Variants in PIP5K1B observed in about 807,000 individuals in gnomAD.
The protein encoded by PIP5K1B is phosphatidylinositol-4-phosphate 5-kinase type 1 beta, also known as phosphatidylinositol 4-phosphate 5-kinase type-1 beta.
Under a neutral mutation model 67.0 loss-of-function variants are expected in PIP5K1B, and 42 were observed. The ratio of observed to expected loss-of-function variants is 0.63; its 90% CI spans 0.49 to 0.81. The LOEUF (loss-of-function observed/expected upper bound fraction) is 0.81, where lower values mean the gene tolerates loss of function less well. Among genes scored for constraint, PIP5K1B ranks in the 30% least tolerant of loss-of-function variants. The probability of loss-of-function intolerance (pLI) is 0.00; values close to 1 mark genes in which losing one functional copy is unlikely to be tolerated. For synonymous variants in PIP5K1B, 214 were observed against 231.4 expected, an observed-to-expected ratio of 0.92 and a Z score of 0.68; for missense variants, 459 against 646.3, an observed-to-expected ratio of 0.71 and a Z score of 3.14.
In PIP5K1B at chr9:68,824,872, C is replaced by T. The variant is rs147822817; in HGVS notation, c.69+2189C>T. ...ATCTCCAGGTCCAGATAAACCATTT[C>T]CCAGATGAAAGAACTTAAAGCTAGA... On this transcript the variant is annotated intron_variant, in intron 4 of 15. Transcript: ENST00000265382. 5.3e-3 allele frequency among the ~76,000 whole-genome samples: 801 copies of T among 152,176 alleles called. 10 individuals carry two copies. Among genetic ancestry groups the T allele is most frequent in the African/African-American group, 0.018 (768 of 41,530 alleles).
intron 4 of PIP5K1B, among the ~76,000 whole-genome samples, chr9:68,862,505 G>A (rs954338530): frequency 1.5e-4 from 23 of 152,070 alleles, no homozygotes; most frequent in African/African-American, 5.3e-4. Flanking sequence ...AAGAAAAGCT[G>A]GAAGTGGGCC....
At chr9:68,961,178 CCGCAG>C (rs1828720539) in intron 14 of PIP5K1B, among the ~76,000 whole-genome samples, 2 of 149,936 alleles carry the variant, frequency 1.3e-5, no homozygotes, top group East Asian at 3.9e-4. Flanking sequence ...CCACTGCAGT[CCGCAG>C]TCCGGCCTGG....
chr9:68,894,605 C>T lies in PIP5K1B; in HGVS notation c.738C>T (p.Asn246=), dbSNP rs766390571. ...TGTATTTTGATACGGAAACATACAA[C>T]GCGCTTATGAAAACACTTCAGAGAG... The part of the protein sequence containing the change: ...EGLYFDTETY[N]ALMKTLQRDC... The change falls in exon 8 of 16, where the codon AAC becomes AAT. Residue 246 remains asparagine (N), a synonymous_variant. Coordinates refer to ENST00000265382, the MANE Select transcript of PIP5K1B (RefSeq NM_003558.4). 1.7e-5 allele frequency: 27 copies of T among 1,614,070 alleles called. No individual in the cohort carries two copies. In the South Asian group the frequency reaches 2.2e-4, roughly 13 times the overall value.
chr9:68,930,925 T>G (rs936339203), intron 12 of PIP5K1B, among the ~76,000 whole-genome samples: 7 of 152,128 alleles, frequency 4.6e-5, no homozygotes, highest in African/African-American at 1.4e-4. Flanking sequence ...ACACCACCAT[T>G]TCAAAGGGTA....
At chr9:68,788,409 A>G in intron 2 of PIP5K1B, 1 of 638,852 alleles carries the variant, frequency 1.6e-6, no homozygotes, top group Non-Finnish European at 2.7e-6. Flanking sequence ...AAGTCCAGAA[A>G]TAGCCAGCTG....
chr9:68,976,856 G>A (rs778697711), intron 14 of PIP5K1B, among the ~76,000 whole-genome samples: 2 of 152,118 alleles, frequency 1.3e-5, no homozygotes, highest in Non-Finnish European at 2.9e-5. Context: ...CCTGCTGTGC[G>A]GCCTGGTTCC....
At chr9:68,745,976 A>ACTAAATATATG (rs1829279746) in intron 2 of PIP5K1B, among the ~76,000 whole-genome samples, 1 of 152,126 alleles carries the variant, frequency 6.6e-6, no homozygotes, top group African/African-American at 2.4e-5. Flanking sequence ...ACCAGTGCTC[A>ACTAAATATATG]CTAAATATAT....
chr9:68,885,510 T>A (rs1250397005), intron 6 of PIP5K1B, among the ~76,000 whole-genome samples: 1 of 152,222 alleles, frequency 6.6e-6, no homozygotes, highest in Admixed American at 6.5e-5. Context: ...CATCCTGATT[T>A]GTTAGCCATT....
chr9:68,995,828 A>G (rs1030362547), intron 15 of PIP5K1B, among the ~76,000 whole-genome samples: 2 of 151,942 alleles, frequency 1.3e-5, no homozygotes, highest in Non-Finnish European at 2.9e-5. Flanking sequence ...AAAAGGAAGA[A>G]AGAAAATGGA....
chr9:68,779,933 G>T (rs1471477086), intron 2 of PIP5K1B: 2 of 478,184 alleles, frequency 4.2e-6, no homozygotes, highest in East Asian at 6.9e-5. Flanking sequence ...ACGGACTAGC[G>T]GCCCGACCAC....
chr9:68,960,129 T>C (rs1828635853), intron 14 of PIP5K1B, among the ~76,000 whole-genome samples: 1 of 152,200 alleles, frequency 6.6e-6, no homozygotes, highest in Non-Finnish European at 1.5e-5. Context: ...GAAAATGTCT[T>C]TATGCTAACG....
intron 8 of PIP5K1B, among the ~76,000 whole-genome samples, chr9:68,908,354 CAT>C (rs1234253374): frequency 6.6e-6 from 1 of 150,812 alleles, no homozygotes; most frequent in African/African-American, 2.4e-5. Context: ...TATATATATA[CAT>C]ACACACACAC....
intron 15 of PIP5K1B, among the ~76,000 whole-genome samples, chr9:68,992,967 G>T (rs757799606): frequency 6.6e-6 from 1 of 151,508 alleles, no homozygotes. Context: ...GACCATCCTG[G>T]CTAACACGGT....
intron 6 of PIP5K1B, among the ~76,000 whole-genome samples, chr9:68,886,447 T>C (rs569144799): frequency 6.6e-6 from 1 of 152,310 alleles, no homozygotes; most frequent in Admixed American, 6.5e-5. Flanking sequence ...ATTTCTTGAG[T>C]ACCAACCATG....
intron 7 of PIP5K1B, among the ~76,000 whole-genome samples, chr9:68,892,130 A>G (rs1425394924): frequency 6.6e-6 from 1 of 152,100 alleles, no homozygotes; most frequent in East Asian, 1.9e-4. Context: ...TTGTTCCTGA[A>G]CTCAGTATTG....
intron 2 of PIP5K1B, chr9:68,780,512 C>T: frequency 6.2e-7 from 1 of 1,614,236 alleles, no homozygotes; most frequent in Non-Finnish European, 8.5e-7. Context: ...TAAGCCACTC[C>T]TGGGAGGAAA....
At chr9:68,916,153 C>A (rs531672348) in intron 8 of PIP5K1B, among the ~76,000 whole-genome samples, 77 of 152,278 alleles carry the variant, frequency 5.1e-4, no homozygotes, top group African/African-American at 1.8e-3. Context: ...CAGAGACAGC[C>A]GTTCTGACAA....
At chr9:68,778,442 C>G (rs1035241984) in intron 2 of PIP5K1B, among the ~76,000 whole-genome samples, 2 of 152,164 alleles carry the variant, frequency 1.3e-5, no homozygotes, top group African/African-American at 4.8e-5. Flanking sequence ...TACCATCTCA[C>G]CAGTTTAAAT....
intron 8 of PIP5K1B, among the ~76,000 whole-genome samples, chr9:68,910,382 G>C (rs934079251): frequency 6.6e-5 from 10 of 152,156 alleles, no homozygotes; most frequent in African/African-American, 2.4e-4. Context: ...CATAATCACA[G>C]TAAATGTTTT....
Sources: gnomAD v4.1 joint callset for allele counts (sites outside exome capture counted in the v4.1 genomes callset) on GRCh38, gnomAD v4.1.1 for gene constraint, MANE v1.5 for transcripts, NCBI Gene and HGNC (gene_info 2026-07-23, HGNC 2026-07-21) for gene names.